IGF2BP3: variants seen among roughly 807,000 people sequenced by gnomAD.
The protein encoded by IGF2BP3 is insulin like growth factor 2 mRNA binding protein 3, also known as insulin-like growth factor 2 mRNA-binding protein 3.
In IGF2BP3, 9 loss-of-function variants were observed where a neutral mutation model predicts 73.8. The ratio of observed to expected loss-of-function variants is 0.12; its 90% CI spans 0.07 to 0.21. The LOEUF is 0.21. Ranked by LOEUF, IGF2BP3 falls within the 10% of genes least tolerant of loss-of-function variation. IGF2BP3 has a pLI of 1.00. For missense variants in IGF2BP3, 542 were observed against 714.0 expected (o/e 0.76, Z 2.75); for synonymous variants, 258 against 256.7 (o/e 1.01, Z -0.05).
intron 5 of IGF2BP3, among the ~76,000 whole-genome samples, chr7:23,359,729 CAAAAT>C: frequency 6.6e-6 from 1 of 151,996 alleles, no homozygotes; most frequent in East Asian, 1.9e-4. Context: ...AACCCAGCCT[CAAAAT>C]AAATAAAAAT....
chr7:23,333,080 T>A (rs1043943906), intron 10 of IGF2BP3, among the ~76,000 whole-genome samples: 3 of 152,206 alleles, frequency 2.0e-5, no homozygotes, highest in African/African-American at 7.2e-5. Flanking sequence ...AAAAAGAATT[T>A]TATGCTGCTT....
intron 2 of IGF2BP3, among the ~76,000 whole-genome samples, chr7:23,419,676 ACTC>A (rs1787290121): frequency 6.6e-6 from 1 of 152,200 alleles, no homozygotes; most frequent in African/African-American, 2.4e-5. Context: ...ACATGGTGAA[ACTC>A]CTCCTCTACT....
At chr7:23,463,881 C>T (rs1788504420) in intron 2 of IGF2BP3, among the ~76,000 whole-genome samples, 2 of 152,188 alleles carry the variant, frequency 1.3e-5, no homozygotes, top group Admixed American at 6.5e-5. Context: ...CTTAGGCAAT[C>T]CCACGCTGAT....
intron 13 of IGF2BP3, among the ~76,000 whole-genome samples, chr7:23,313,248 C>T (rs1307597856): frequency 1.3e-5 from 2 of 152,154 alleles, no homozygotes; most frequent in African/African-American, 2.4e-5. Context: ...GTGTCTGTTC[C>T]ATAAAAAGCT....
At chr7:23,315,861 T>C (rs1024929374) in intron 12 of IGF2BP3, among the ~76,000 whole-genome samples, 3 of 152,198 alleles carry the variant, frequency 2.0e-5, no homozygotes, top group Non-Finnish European at 4.4e-5. Flanking sequence ...AAATAAAATT[T>C]AACTACTATG....
chr7:23,313,865 G>A (rs1783900601), intron 12 of IGF2BP3, among the ~76,000 whole-genome samples: 1 of 152,194 alleles, frequency 6.6e-6, no homozygotes, highest in African/African-American at 2.4e-5. Flanking sequence ...GCAACTGAAT[G>A]CTTGGTGAAA....
intron 2 of IGF2BP3, among the ~76,000 whole-genome samples, chr7:23,420,226 C>T (rs1045904633): frequency 6.6e-6 from 1 of 152,192 alleles, no homozygotes; most frequent in African/African-American, 2.4e-5. Context: ...TGCCTGTAAT[C>T]CCAGCACTTT....
chr7:23,310,427 CAG>C lies in IGF2BP3; in HGVS notation c.*1933_*1934del, dbSNP rs1007454270. On this transcript the variant is annotated 3_prime_UTR_variant, in exon 15 of 15. Transcript: ENST00000258729. ...CTAAAAGGCTAGAAGTGAAATATGA[CAG>C]AATTTAAACCAGCAGATATAAATGC... 27 of 152,086 alleles carry C rather than the reference CAG, an allele frequency of 1.8e-4. No homozygotes were observed. Among genetic ancestry groups the C allele is most frequent in the African/African-American group, 6.0e-4 (25 of 41,382 alleles). 9.4% of individuals were successfully genotyped at this position (152,086 alleles called of 1,614,324 possible).
At chr7:23,388,790 G>C (rs746805416) in intron 3 of IGF2BP3, among the ~76,000 whole-genome samples, 1 of 151,960 alleles carries the variant, frequency 6.6e-6, no homozygotes, top group Non-Finnish European at 1.5e-5. Flanking sequence ...ATCTCTGGGG[G>C]TTACAAGTGG....
At chr7:23,346,660 T>G (rs1784835449) in intron 7 of IGF2BP3, among the ~76,000 whole-genome samples, 1 of 151,812 alleles carries the variant, frequency 6.6e-6, no homozygotes, top group African/African-American at 2.4e-5. Context: ...TGGCGCGATC[T>G]CGGCTCACTG....
At chr7:23,334,908 T>C (rs1054421481) in intron 10 of IGF2BP3, among the ~76,000 whole-genome samples, 2 of 152,082 alleles carry the variant, frequency 1.3e-5, no homozygotes, top group African/African-American at 2.4e-5. Context: ...TCAGCCAACA[T>C]GATCAGCCTC....
intron 2 of IGF2BP3, chr7:23,450,593 A>C (rs1788174423): frequency 6.6e-6 from 1 of 152,058 alleles, no homozygotes; most frequent in African/African-American, 2.4e-5. Context: ...TAACAAGTAC[A>C]AAAAAAATTC....
chr7:23,365,304 CT>C (rs139013031), intron 3 of IGF2BP3, among the ~76,000 whole-genome samples: 19 of 152,256 alleles, frequency 1.2e-4, no homozygotes, highest in African/African-American at 4.6e-4. Flanking sequence ...AATAAACATC[CT>C]TCTTAATTCT....
chr7:23,340,567 G>GT (rs201536146), intron 10 of IGF2BP3, among the ~76,000 whole-genome samples: 1,841 of 152,260 alleles, frequency 0.012, 45 homozygotes, highest in African/African-American at 0.042. Context: ...CCAAATTGGT[G>GT]TAAGAGGTAT....
intron 2 of IGF2BP3, among the ~76,000 whole-genome samples, chr7:23,455,518 T>C (rs1788295129): frequency 6.6e-6 from 1 of 152,206 alleles, no homozygotes; most frequent in African/African-American, 2.4e-5. Flanking sequence ...ACATATACCC[T>C]ATGACATATT....
chr7:23,368,331 GAAAGAAAGAAAA>G (rs1427168786), intron 3 of IGF2BP3, among the ~76,000 whole-genome samples: 3 of 94,012 alleles, frequency 3.2e-5, no homozygotes, highest in African/African-American at 1.2e-4. Context: ...AGAAAGAAAA[GAAAGAAAGAAAA>G]AAAGAAAGAA....
In IGF2BP3 at chr7:23,351,546, T is replaced by C. The variant is rs766719076; in HGVS notation, c.442A>G (p.Thr148Ala). 10 of 1,613,888 alleles carry C rather than the reference T, an allele frequency of 6.2e-6. No individual in the cohort carries two copies. The highest frequency in any genetic ancestry group is 1.3e-5 in the African/African-American group (1 of 74,844). The change falls in exon 6 of 15, where the codon ACC becomes GCC. Residue 148 changes from threonine (T) to alanine (A), a missense_variant. Around this residue, in one of 2 missense-constraint regions of IGF2BP3, gnomAD observed 239 missense variants for 241.9 expected, o/e 0.99. Coordinates refer to ENST00000258729, the MANE Select transcript of IGF2BP3 (RefSeq NM_006547.3). ...KLNGFQLENF[T>A]LKVAYIPDEM... Reference sequence around the variant, plus strand: ...TCAGGGATATAGGCTACTTTCAAGGTGAAATTCTCTAACTGAAATCCATTC... The same window carrying C: ...TCAGGGATATAGGCTACTTTCAAGGCGAAATTCTCTAACTGAAATCCATTC...
In IGF2BP3 at chr7:23,421,987, C is replaced by T. The variant is rs548464489; in HGVS notation, c.237-3163G>A. ...GAGATGGTGGTCTTGCTATGTTGTC[C>T]AGGTTCATCTTGAACTCCTGGGCTC... On this transcript the variant is annotated intron_variant, in intron 2 of 14. Coordinates refer to ENST00000258729, the MANE Select transcript of IGF2BP3 (RefSeq NM_006547.3). Among the ~76,000 whole-genome samples the T allele has an allele frequency of 1.5e-3, 230 of 152,076 alleles. 5 individuals are homozygous for T. In the South Asian group the frequency reaches 0.047, roughly 31 times the overall value.
intron 5 of IGF2BP3, among the ~76,000 whole-genome samples, chr7:23,356,367 C>G (rs274062): frequency 0.75 from 113,772 of 151,664 alleles, 43,921 homozygotes; most frequent in African/African-American, 0.94. Flanking sequence ...AGATCAGCCT[C>G]GGCAACACAG....
Sources: gnomAD v4.1 joint callset for allele counts (sites outside exome capture counted in the v4.1 genomes callset) on GRCh38, gnomAD v4.1.1 for gene constraint, gnomAD v4.1.1 regional missense constraint, MANE v1.5 for transcripts, NCBI Gene and HGNC (gene_info 2026-07-23, HGNC 2026-07-21) for gene names.